NUDCD1: variants seen among roughly 807,000 people sequenced by gnomAD.
NUDCD1 encodes nudC domain-containing protein 1.
NUDCD1 carries 60 observed loss-of-function variants against 67.8 expected under a neutral mutation model. The observed-to-expected ratio is 0.88, with a 90% CI of 0.72 to 1.10. The LOEUF is 1.10. Ranked by LOEUF, NUDCD1 falls within the 50% of genes least tolerant of loss-of-function variation. The pLI is 0.00. For missense variants in NUDCD1, 643 were observed against 695.0 expected, an observed-to-expected ratio of 0.93 and a Z score of 0.84; for synonymous variants, 244 against 230.8, an observed-to-expected ratio of 1.06 and a Z score of -0.52.
At chr8:109,333,795 G>T in intron 1 of NUDCD1, 98 bp downstream of exon 1, 1 of 1,336,302 alleles carries the variant, frequency 7.5e-7, no homozygotes, top group Non-Finnish European at 1.0e-6. Flanking sequence ...CGGTGGCTTC[G>T]CTTGCCAGTC....
At chr8:109,249,381 A>G (rs1278916288) in intron 8 of NUDCD1, among the ~76,000 whole-genome samples, 1 of 152,224 alleles carries the variant, frequency 6.6e-6, no homozygotes, top group Non-Finnish European at 1.5e-5. Context: ...ATCTTCCCGT[A>G]GCTCACAGCT....
At chr8:109,320,904 A>G (rs1815518359) in intron 2 of NUDCD1, among the ~76,000 whole-genome samples, 1 of 152,180 alleles carries the variant, frequency 6.6e-6, no homozygotes, top group South Asian at 2.1e-4. Context: ...ACAACAAATA[A>G]CCTACCACAT....
chr8:109,246,284 G>T lies in NUDCD1; in HGVS notation c.1300-803C>A, dbSNP rs550350955. 7.9e-5 allele frequency among the ~76,000 whole-genome samples: 12 copies of T among 152,238 alleles called. No homozygotes were observed. In the South Asian group the frequency reaches 2.5e-3, roughly 32 times the overall value. ...GAACAATGACACTACCAGAATTTAT[G>T]AGCACACTCTCATAACATTTATAAC... On this transcript the variant is annotated intron_variant, in intron 8 of 9. Transcript: ENST00000239690.
intron 8 of NUDCD1, among the ~76,000 whole-genome samples, chr8:109,254,668 C>A (rs1406327207): frequency 3.3e-5 from 5 of 152,048 alleles, no homozygotes; most frequent in Admixed American, 3.3e-4. Context: ...GAAAATTTGG[C>A]ATGCATTTCA....
At chr8:109,272,147 C>T (rs1814172595) in intron 7 of NUDCD1, among the ~76,000 whole-genome samples, 1 of 151,892 alleles carries the variant, frequency 6.6e-6, no homozygotes, top group African/African-American at 2.4e-5. Flanking sequence ...AAATGAAAGA[C>T]CTGTTTTTCA....
intron 8 of NUDCD1, among the ~76,000 whole-genome samples, chr8:109,252,777 G>A (rs1278308735): frequency 1.3e-5 from 2 of 152,056 alleles, no homozygotes; most frequent in Non-Finnish European, 2.9e-5. Context: ...TTAAGCTGTT[G>A]GCTGCCCTGT....
chr8:109,264,222 A>G (rs1229411878), intron 8 of NUDCD1, among the ~76,000 whole-genome samples: 1 of 152,220 alleles, frequency 6.6e-6, no homozygotes. Flanking sequence ...GTTATTCTGA[A>G]TTGAGATTTG....
chr8:109,257,635 A>T (rs1180516273), intron 8 of NUDCD1, among the ~76,000 whole-genome samples: 3 of 152,092 alleles, frequency 2.0e-5, no homozygotes, highest in Non-Finnish European at 4.4e-5. Flanking sequence ...AGGAAAAAAA[A>T]ATCAAGACTA....
At chr8:109,319,622 C>G (rs577102414) in intron 2 of NUDCD1, among the ~76,000 whole-genome samples, 2 of 152,196 alleles carry the variant, frequency 1.3e-5, no homozygotes, top group African/African-American at 2.4e-5. Flanking sequence ...GGTAGTTAAT[C>G]AATGAGAAAA....
intron 7 of NUDCD1, among the ~76,000 whole-genome samples, 176 bp downstream of exon 7, chr8:109,275,176 T>C (rs926832420): frequency 6.6e-6 from 1 of 152,138 alleles, no homozygotes; most frequent in Non-Finnish European, 1.5e-5. Context: ...ATTTACATAG[T>C]GTAAGAAATA....
At chr8:109,322,512 T>A in intron 1 of NUDCD1, 49 bp from the exon 2 acceptor site, 1 of 1,490,320 alleles carries the variant, frequency 6.7e-7, no homozygotes, top group Non-Finnish European at 9.2e-7. Flanking sequence ...TTGCCTCAGA[T>A]AGTTTCTATC....
rs78767987 is a variant in NUDCD1, at chr8:109,275,522, T to C, written c.1029-26A>G. ...CTAGAAGTTTAAATGGGAAAAGTAA[T>C]GTTACATTAAGCAATTATACAAATT... On this transcript the variant is annotated intron_variant, in intron 6 of 9. Transcript: ENST00000239690. 3.9e-3 allele frequency: 6,147 copies of C among 1,587,758 alleles called. 209 individuals are homozygous for C. In the African/African-American group the frequency reaches 0.073, roughly 19 times the overall value.
At chr8:109,288,950 A>C (rs1013970542) in intron 5 of NUDCD1, among the ~76,000 whole-genome samples, 1 of 151,808 alleles carries the variant, frequency 6.6e-6, no homozygotes, top group African/African-American at 2.4e-5. Flanking sequence ...ATATACAAAT[A>C]TAAATTTCTT....
Position 109,297,343 on chromosome 8 carries a change from T to TA in NUDCD1, c.274-775dup, listed in dbSNP as rs1814869264. Among the ~76,000 whole-genome samples the TA allele has an allele frequency of 2.6e-5, 4 of 152,320 alleles. No homozygotes were observed. In the South Asian group the frequency reaches 8.3e-4, roughly 32 times the overall value. On this transcript the variant is annotated intron_variant, in intron 2 of 9. Transcript: ENST00000239690. ...AAATTTTAATTGGTCTATGTACTTA[T>TA]AATGTAAAGTTATGAGTTGCTGCTA...
At chr8:109,288,158 C>A (rs1814619360) in intron 5 of NUDCD1, among the ~76,000 whole-genome samples, 1 of 151,984 alleles carries the variant, frequency 6.6e-6, no homozygotes, top group African/African-American at 2.4e-5. Flanking sequence ...AATCCTATGA[C>A]AAAATAAACA....
chr8:109,246,445 C>T (rs1414559946), intron 8 of NUDCD1, among the ~76,000 whole-genome samples: 1 of 152,150 alleles, frequency 6.6e-6, no homozygotes, highest in Non-Finnish European at 1.5e-5. Context: ...CTGGAATTCA[C>T]ACTCAGATGT....
chr8:109,284,494 C>A (rs1173139103), intron 5 of NUDCD1, among the ~76,000 whole-genome samples: 1 of 152,110 alleles, frequency 6.6e-6, no homozygotes, highest in Non-Finnish European at 1.5e-5. Context: ...CATCTGCACA[C>A]AGAACATACT....
chr8:109,275,264 C>T (rs994440379), intron 7 of NUDCD1, 88 bp downstream of exon 7: 54 of 1,317,950 alleles, frequency 4.1e-5, no homozygotes, highest in Non-Finnish European at 5.7e-5. Context: ...TTAGGAAAAG[C>T]AAAATATTGT....
chr8:109,254,698 T>C (rs1044730256), intron 8 of NUDCD1, among the ~76,000 whole-genome samples: 1 of 152,128 alleles, frequency 6.6e-6, no homozygotes, highest in Non-Finnish European at 1.5e-5. Flanking sequence ...TTAATTGTCT[T>C]ATTCTCTGTA....
Sources: allele counts gnomAD v4.1 joint callset (sites outside exome capture counted in the v4.1 genomes callset), GRCh38; gene constraint gnomAD v4.1.1; transcripts MANE v1.5; gene names NCBI Gene and HGNC (gene_info 2026-07-23, HGNC 2026-07-21).